The following LRRC56 variants were observed in gnomAD, a reference collection of about 807,000 sequenced individuals.
The protein encoded by LRRC56 is leucine-rich repeat-containing protein 56.
LRRC56 carries 41 observed loss-of-function variants against 47.8 expected under a neutral mutation model. The observed-to-expected ratio is 0.86, with a 90% CI of 0.67 to 1.11. LRRC56 has a LOEUF of 1.11. Among genes scored for constraint, LRRC56 ranks in the 50% most tolerant of loss-of-function variants. LRRC56 has a pLI of 0.00. For missense variants in LRRC56, 759 were observed against 704.2 expected, an observed-to-expected ratio of 1.08 and a Z score of -0.88; for synonymous variants, 387 against 311.2, an observed-to-expected ratio of 1.24 and a Z score of -2.56.
chr11:524,955 G>A, the LRRC56 span, among the ~76,000 whole-genome samples: 1 of 151,574 alleles, frequency 6.6e-6, no homozygotes. Flanking sequence ...AATTAGCTGG[G>A]CGTGGTGGTG....
chr11:545,429 G>A (rs921440338), intron 6 of LRRC56, among the ~76,000 whole-genome samples: 1 of 152,170 alleles, frequency 6.6e-6, no homozygotes, highest in East Asian at 1.9e-4. Context: ...CCACCAGCCA[G>A]AACCTGCACG....
upstream of LRRC56, among the ~76,000 whole-genome samples, chr11:535,912 G>C (rs947834406): frequency 6.6e-6 from 1 of 152,192 alleles, no homozygotes; most frequent in Admixed American, 6.5e-5. Context: ...CGGTGCACCA[G>C]AGGCCCTCCC....
At chr11:514,014 C>T in the LRRC56 span, among the ~76,000 whole-genome samples, 4 of 152,042 alleles carry the variant, frequency 2.6e-5, no homozygotes, top group Non-Finnish European at 4.4e-5. Context: ...ATTTTTGAGA[C>T]AGAGTCTCAC....
chr11:554,156 G>T lies in LRRC56; in HGVS notation c.1509G>T (p.Glu503Asp). 5 of 1,598,250 alleles carry T rather than the reference G, an allele frequency of 3.1e-6. No homozygotes were observed. The highest frequency in any genetic ancestry group is 4.3e-6 in the Non-Finnish European group (5 of 1,174,392). Residue 503 changes from glutamate (E) to aspartate (D), a missense_variant, in exon 14 of 14, where the codon GAG becomes GAT. Coordinates refer to ENST00000270115, the MANE Select transcript of LRRC56 (RefSeq NM_198075.4). ...VAAVPVLRALEVASRLSPRAQ... is the reference protein window; with the variant it reads ...VAAVPVLRALDVASRLSPRAQ... ...CAGTGCCTGTCCTGAGAGCCCTGGA[G>T]GTGGCCTCACGCCTGAGCCCTCGAG...
chr11:509,951 A>G, the LRRC56 span, among the ~76,000 whole-genome samples: 1 of 151,552 alleles, frequency 6.6e-6, no homozygotes, highest in African/African-American at 2.4e-5. Flanking sequence ...TCCCACCCCC[A>G]GTTTTATATA....
chr11:511,426 C>G, the LRRC56 span, among the ~76,000 whole-genome samples: 1 of 151,988 alleles, frequency 6.6e-6, no homozygotes, highest in Non-Finnish European at 1.5e-5. Flanking sequence ...TGAGTGGTTA[C>G]GTAGTGGGTA....
At chr11:552,768 G>C (rs145766891) in intron 13 of LRRC56, 66 bp downstream of exon 13, 4 of 1,410,364 alleles carry the variant, frequency 2.8e-6, no homozygotes, top group Non-Finnish European at 3.9e-6. Flanking sequence ...CTATAGGGGG[G>C]CCCTTACCCC....
At chr11:532,552 C>G, upstream of LRRC56, 2 of 1,556,548 alleles carry the variant, frequency 1.3e-6, no homozygotes, top group Non-Finnish European at 1.7e-6. Flanking sequence ...GGCTGCTGAC[C>G]GCAGGCCAGG....
At chr11:545,800 C>T (rs1033010670) in intron 6 of LRRC56, among the ~76,000 whole-genome samples, 1 of 152,176 alleles carries the variant, frequency 6.6e-6, no homozygotes, top group African/African-American at 2.4e-5. Flanking sequence ...TAGCCTGTTC[C>T]CAGCAGCATA....
At chr11:547,814 C>T (rs112817811) in intron 6 of LRRC56, among the ~76,000 whole-genome samples, 3 of 152,040 alleles carry the variant, frequency 2.0e-5, no homozygotes, top group African/African-American at 4.8e-5. Flanking sequence ...GGAAAAATGA[C>T]TAGGTCATAA....
At chr11:531,582 G>A in the LRRC56 span, among the ~76,000 whole-genome samples, 1 of 152,190 alleles carries the variant, frequency 6.6e-6, no homozygotes, top group African/African-American at 2.4e-5. Flanking sequence ...GGCAGGCGTG[G>A]GGCAAGGGTA....
chr11:507,205 G>C, the LRRC56 span: 2 of 152,008 alleles, frequency 1.3e-5, no homozygotes, highest in Non-Finnish European at 2.9e-5. Flanking sequence ...TGAACGTGTC[G>C]ACAACCCCAC....
the LRRC56 span, among the ~76,000 whole-genome samples, chr11:518,011 C>G: frequency 6.6e-6 from 1 of 152,128 alleles, no homozygotes; most frequent in Non-Finnish European, 1.5e-5. Flanking sequence ...TCTCAACTAC[C>G]CAGGGACACA....
the LRRC56 span, among the ~76,000 whole-genome samples, chr11:514,558 G>C: frequency 2.0e-5 from 3 of 151,870 alleles, no homozygotes; most frequent in Non-Finnish European, 2.9e-5. Context: ...TGGGATTACA[G>C]GTGTGAGCCA....
chr11:536,219 C>T (rs1337536725), upstream of LRRC56, among the ~76,000 whole-genome samples: 2 of 152,226 alleles, frequency 1.3e-5, no homozygotes, highest in Non-Finnish European at 2.9e-5. Flanking sequence ...TGAGAACGCC[C>T]CCTCCACCAC....
chr11:520,805 C>G, the LRRC56 span, among the ~76,000 whole-genome samples: 4 of 152,280 alleles, frequency 2.6e-5, no homozygotes, highest in East Asian at 3.9e-4. Context: ...GCCGTGCTCA[C>G]CCCTACGCCT....
At chr11:506,514 C>G in the LRRC56 span, 2 of 152,220 alleles carry the variant, frequency 1.3e-5, no homozygotes, top group Non-Finnish European at 1.5e-5. Flanking sequence ...GCTTCGCGGC[C>G]CGGCGTCCGG....
At chr11:521,730 C>T in the LRRC56 span, among the ~76,000 whole-genome samples, 1 of 152,038 alleles carries the variant, frequency 6.6e-6, no homozygotes. Context: ...CTGGCTAACA[C>T]GATGAAACCC....
At chr11:527,211 G>A in the LRRC56 span, among the ~76,000 whole-genome samples, 1 of 151,964 alleles carries the variant, frequency 6.6e-6, no homozygotes, top group South Asian at 2.1e-4. Context: ...TGAGGCAGGA[G>A]AATCACTTGA....
Sources: allele counts gnomAD v4.1 joint callset (sites outside exome capture counted in the v4.1 genomes callset), GRCh38; gene constraint gnomAD v4.1.1; transcripts MANE v1.5; gene names NCBI Gene and HGNC (gene_info 2026-07-23, HGNC 2026-07-21).